SYNM: variants seen among roughly 807,000 people sequenced by gnomAD.
The protein encoded by SYNM is desmuslin.
A neutral mutation model predicts 104.0 loss-of-function variants in SYNM; 95 were observed. The observed-to-expected ratio is 0.91, with a 90% CI of 0.77 to 1.08. The LOEUF (loss-of-function observed/expected upper bound fraction) is 1.08, where lower values mean the gene tolerates loss of function less well. Among genes scored for constraint, SYNM ranks in the 50% least tolerant of loss-of-function variants. The pLI is 0.00. For missense variants in SYNM, 2,150 were observed against 2,052.2 expected, an observed-to-expected ratio of 1.05 and a Z score of -0.92; for synonymous variants, 918 against 869.0, an observed-to-expected ratio of 1.06 and a Z score of -0.99.
chr15:99,133,008 C>T lies in SYNM; in HGVS notation c.4648C>T (p.Leu1550Phe), dbSNP rs1555486263. The T allele has an allele frequency of 1.9e-6, 3 of 1,613,764 alleles. No homozygotes were observed. Among genetic ancestry groups the T allele is most frequent in the Admixed American group, 1.7e-5 (1 of 60,016 alleles). Residue 1550 changes from leucine to phenylalanine, a missense_variant, in exon 4 of 4, where the codon CTC becomes TTC. Leu to Phe is a conservative substitution (Grantham distance 22). Coordinates refer to ENST00000336292, the MANE Select transcript of SYNM (RefSeq NM_145728.3). ...SVISDEKKVA[L>F]LYLDNEEEEN... ...GATTTCAGATGAAAAGAAAGTTGCC[C>T]TCCTCTATCTAGACAATGAGGAGGA...
intron 1 of SYNM, among the ~76,000 whole-genome samples, chr15:99,109,114 GCTTGCTAGGATTCTA>G (rs1210586123): frequency 6.6e-6 from 1 of 152,186 alleles, no homozygotes; most frequent in African/African-American, 2.4e-5. Context: ...GGGGGAAGAT[GCTTGCTAGGATTCTA>G]CTTGAGGGGA....
At position 99,129,992 on chromosome 15, in the gene SYNM, G is replaced by A. The variant is rs1484767896; in HGVS notation, c.1632G>A (p.Lys544=). The A allele has an allele frequency of 1.2e-6, 2 of 1,612,564 alleles. No homozygotes were observed. The highest frequency in any genetic ancestry group is 2.7e-5 in the African/African-American group (2 of 74,900). ...ACCTAAGATGGGAAGAATTGACAAAGTTAGATAAGGAAGCGAGACAGAGAG... is the reference window on the plus strand; with the variant it reads ...ACCTAAGATGGGAAGAATTGACAAAATTAGATAAGGAAGCGAGACAGAGAG... ...ERNLRWEELT[K]LDKEARQRES... is the part of the protein sequence containing the mutation. Residue 544 remains lysine, a synonymous_variant, in exon 4 of 4, where the codon AAG becomes AAA. Transcript: ENST00000336292.
intron 1 of SYNM, among the ~76,000 whole-genome samples, chr15:99,109,248 C>T (rs900540586): frequency 6.6e-6 from 1 of 152,206 alleles, no homozygotes. Flanking sequence ...GCTGAACTGA[C>T]ATCCAAGTTC....
In SYNM at chr15:99,130,894, A is replaced by AT. The variant is rs782422466; in HGVS notation, c.2535dup (p.Asp846Ter). On this transcript the variant is annotated frameshift_variant, in exon 4 of 4. Coordinates refer to ENST00000336292, the MANE Select transcript of SYNM (RefSeq NM_145728.3). LOFTEE classifies it high-confidence loss of function. Reference sequence around the variant, plus strand: ...GAACACCCCGGGGGGCACGACAGAGATGACGGCTCGGTGTACGGGCAGATC... The same window carrying AT: ...GAACACCCCGGGGGGCACGACAGAGATTGACGGCTCGGTGTACGGGCAGATC... 245 of 1,613,940 alleles carry AT rather than the reference A, an allele frequency of 1.5e-4. No homozygotes were observed. In the African/African-American group the frequency reaches 2.7e-3, roughly 18 times the overall value.
downstream of SYNM, chr15:99,138,027 C>G (rs370645537): frequency 1.2e-6 from 2 of 1,614,042 alleles, no homozygotes; most frequent in East Asian, 2.2e-5. Context: ...GCTGTTGTGC[C>G]GGGCCGGGCC....
Position 99,113,715 on chromosome 15 carries a change from G to A in SYNM, c.935G>A (p.Arg312Gln), listed in dbSNP as rs369860014. 31 of 1,613,258 alleles carry A rather than the reference G, an allele frequency of 1.9e-5. No individual in the cohort carries two copies. The Admixed American group carries it at 2.2e-4, about 11-fold the overall frequency. ...CTCAGTCTGGAGGTGGCGACCTACC[G>A]GTAAGGAGACTGTGCTGAGTTGGCC... Reference protein sequence around the residue: ...TGLSLEVATYRALLEGESNPE... With the variant: ...TGLSLEVATYQALLEGESNPE... The change falls in exon 2 of 4, where the codon CGG becomes CAG. Residue 312 changes from arginine (R) to glutamine (Q), a missense_variant and splice_region_variant. By Grantham distance (43) the Arg-to-Gln change is conservative. Transcript: ENST00000336292.
chr15:99,120,893 A>G (rs2067394141), intron 2 of SYNM, among the ~76,000 whole-genome samples: 1 of 152,288 alleles, frequency 6.6e-6, no homozygotes, highest in Non-Finnish European at 1.5e-5. Context: ...TAGAAAGTCA[A>G]GCATATTCCA....
At position 99,105,432 on chromosome 15, in the gene SYNM, C is replaced by T; in HGVS notation, c.233C>T (p.Thr78Ile). The T allele has an allele frequency of 1.4e-6, 2 of 1,471,692 alleles. No homozygotes were observed. The highest frequency in any genetic ancestry group is 1.8e-6 in the Non-Finnish European group (2 of 1,118,058). 91.2% of individuals were successfully genotyped at this position (1,471,692 alleles called of 1,614,324 possible). A position where few individuals can be genotyped will look rare whatever the true frequency, so the allele number is the denominator to read the frequency against. ...RQQLDELSWA[T>I]ALAEGERDAL... ...CAGCTGGACGAGCTGAGCTGGGCCACTGCGCTGGCGGAGGGCGAGCGGGAC... is the reference window on the plus strand; with the variant it reads ...CAGCTGGACGAGCTGAGCTGGGCCATTGCGCTGGCGGAGGGCGAGCGGGAC... Residue 78 changes from threonine (T) to isoleucine (I), a missense_variant, in exon 1 of 4, where the codon ACT becomes ATT. Transcript: ENST00000336292.
At chr15:99,124,577 A>G (rs2067430618) in intron 2 of SYNM, among the ~76,000 whole-genome samples, 1 of 152,204 alleles carries the variant, frequency 6.6e-6, no homozygotes, top group Admixed American at 6.5e-5. Context: ...ATTTTCATTA[A>G]TATGGCCCGG....
downstream of SYNM, chr15:99,137,847 C>A: frequency 2.7e-6 from 3 of 1,127,224 alleles, no homozygotes; most frequent in South Asian, 5.0e-5. Context: ...AAAATGTGGC[C>A]CACGGGAGGC....
chr15:99,132,570 A>G lies in SYNM; in HGVS notation c.4210A>G (p.Ile1404Val). 1 of 1,614,064 alleles carries G rather than the reference A, an allele frequency of 6.2e-7. No individual in the cohort carries two copies. The highest frequency in any genetic ancestry group is 8.5e-7 in the Non-Finnish European group (1 of 1,179,906). The change falls in exon 4 of 4, where the codon ATT (isoleucine) becomes GTT (valine). Residue 1404 changes from isoleucine (I) to valine (V), a missense_variant. Transcript: ENST00000336292. ...TSGVSRSFRH[I>V]RLGPTETETS... ...GGGTGTTAGCAGATCCTTTAGGCAC[A>G]TTCGACTAGGTCCTACAGAAACGGA...
Position 99,129,517 on chromosome 15 carries a change from C to G in SYNM, c.1157C>G (p.Thr386Arg), listed in dbSNP as rs367716061. ...SNLSGHRGSQ[T>R]GTSIGGDARR... ...CTGTCAGGGCACCGTGGATCTCAGACGGGCACATCTATTGGAGGTGATGCC... is the reference window on the plus strand; with the variant it reads ...CTGTCAGGGCACCGTGGATCTCAGAGGGGCACATCTATTGGAGGTGATGCC... Residue 386 changes from threonine (T) to arginine (R), a missense_variant, in exon 4 of 4, where the codon ACG becomes AGG. Transcript: ENST00000336292. The G allele has an allele frequency of 5.6e-6, 9 of 1,613,884 alleles. No homozygotes were observed. The highest frequency in any genetic ancestry group is 7.6e-6 in the Non-Finnish European group (9 of 1,179,916).
intron 1 of SYNM, among the ~76,000 whole-genome samples, chr15:99,106,910 G>C (rs1555482887): frequency 6.6e-6 from 1 of 152,224 alleles, no homozygotes; most frequent in African/African-American, 2.4e-5. Flanking sequence ...TATTTTAAGA[G>C]TACAGTTTGC....
intron 2 of SYNM, among the ~76,000 whole-genome samples, chr15:99,120,558 GACAATT>G (rs2067390716): frequency 6.6e-6 from 1 of 152,170 alleles, no homozygotes; most frequent in South Asian, 2.1e-4. Flanking sequence ...CTTCTCTGGA[GACAATT>G]GATATGCAGG....
In SYNM at chr15:99,132,668, T is replaced by C. The variant is rs375963713; in HGVS notation, c.4308T>C (p.Pro1436=). 3 of 1,613,878 alleles carry C rather than the reference T, an allele frequency of 1.9e-6. No individual in the cohort carries two copies. The highest frequency in any genetic ancestry group is 2.5e-6 in the Non-Finnish European group (3 of 1,179,894). Residue 1436 remains proline (P), a synonymous_variant, in exon 4 of 4, where the codon CCT becomes CCC. Coordinates refer to ENST00000336292, the MANE Select transcript of SYNM (RefSeq NM_145728.3). The stretch of plus-strand genomic sequence containing the variant: ...TGCTTGCTGGTTCAGCGGACTCCCC[T>C]GAGCTAGGCAAGTTAGCAGACAGCA... ...TFVLAGSADS[P]ELGKLADSSR...
downstream of SYNM, chr15:99,140,523 CCA>C (rs1300178614): frequency 1.3e-5 from 2 of 152,082 alleles, no homozygotes; most frequent in Non-Finnish European, 2.9e-5. Context: ...GTGCCCGCCA[CCA>C]CACTCAGCTA....
chr15:99,127,521 C>A (rs4965447), intron 3 of SYNM, among the ~76,000 whole-genome samples: 11 of 152,142 alleles, frequency 7.2e-5, no homozygotes, highest in Non-Finnish European at 1.6e-4. Context: ...ACACCTTAGG[C>A]AGCAGCATGG....
chr15:99,127,893 G>A (rs782289189), intron 3 of SYNM, among the ~76,000 whole-genome samples: 53 of 152,136 alleles, frequency 3.5e-4, no homozygotes, highest in East Asian at 3.8e-4. Context: ...CAGGAGCTCC[G>A]AGGAAGACCA....
rs2067478896 is a variant in SYNM, at chr15:99,129,598, A to C, written c.1238A>C (p.Asn413Thr). ...TCCTCGGCCACTACCCAGCAGGAAA[A>C]CTCATACGGAAAAGCCGTCAGCAGT... ...YSSSATTQQENSYGKAVSSQT... is the reference protein window; with the variant it reads ...YSSSATTQQETSYGKAVSSQT... The change falls in exon 4 of 4, where the codon AAC becomes ACC. Residue 413 changes from asparagine to threonine, a missense_variant. By Grantham distance (65) the Asn-to-Thr change is moderately conservative (BLOSUM62 0). Coordinates refer to ENST00000336292, the MANE Select transcript of SYNM (RefSeq NM_145728.3). 1.2e-6 allele frequency: 2 copies of C among 1,613,732 alleles called. No homozygotes were observed. The highest frequency in any genetic ancestry group is 8.5e-7 in the Non-Finnish European group (1 of 1,179,836).
Sources: gnomAD v4.1 joint callset for allele counts (sites outside exome capture counted in the v4.1 genomes callset) on GRCh38, gnomAD v4.1.1 for gene constraint, MANE v1.5 for transcripts, NCBI Gene and HGNC (gene_info 2026-07-23, HGNC 2026-07-21) for gene names.